The following KAZN variants were observed in gnomAD, a reference collection of about 807,000 sequenced individuals.
KAZN encodes kazrin, periplakin interacting protein, also known as kazrin.
A neutral mutation model predicts 87.4 loss-of-function variants in KAZN; 40 were observed. The ratio of observed to expected loss-of-function variants is 0.46; its 90% CI spans 0.36 to 0.60. KAZN has a LOEUF of 0.60. Among genes scored for constraint, KAZN ranks in the 20% least tolerant of loss-of-function variants. KAZN has a pLI of 0.00. For missense variants in KAZN, 898 were observed against 1,073.9 expected (o/e 0.84, Z 2.29); for synonymous variants, 466 against 458.3 (o/e 1.02, Z -0.22).
intron 1 of KAZN, among the ~76,000 whole-genome samples, chr1:14,000,179 C>G (rs972886081): frequency 6.6e-6 from 1 of 152,186 alleles, no homozygotes; most frequent in African/African-American, 2.4e-5. Context: ...AAAGCAGAGA[C>G]TCCTCCTGAA....
At chr1:14,618,630 G>T (rs887605128) in intron 1 of KAZN, among the ~76,000 whole-genome samples, 5 of 152,184 alleles carry the variant, frequency 3.3e-5, no homozygotes, top group African/African-American at 7.2e-5. Flanking sequence ...GGCAACTGAG[G>T]CATAAAGTGA....
At chr1:14,156,087 C>T (rs1570894259) in intron 1 of KAZN, among the ~76,000 whole-genome samples, 1 of 152,258 alleles carries the variant, frequency 6.6e-6, no homozygotes, top group East Asian at 1.9e-4. Flanking sequence ...TTAATTTCTT[C>T]ATTGACACAT....
chr1:14,361,636 T>A (rs574769050), intron 2 of KAZN, among the ~76,000 whole-genome samples: 83 of 152,326 alleles, frequency 5.4e-4, no homozygotes, highest in African/African-American at 2.0e-3. Flanking sequence ...AAGCATAATA[T>A]CTGGGCCAGA....
At chr1:14,919,330 C>A (rs1658241246) in intron 1 of KAZN, among the ~76,000 whole-genome samples, 1 of 152,350 alleles carries the variant, frequency 6.6e-6, no homozygotes, top group East Asian at 1.9e-4. Context: ...GCGCGTTCCA[C>A]CACACCTGGC....
intron 1 of KAZN, among the ~76,000 whole-genome samples, chr1:14,684,220 G>A (rs1640832156): frequency 6.6e-6 from 1 of 152,138 alleles, no homozygotes; most frequent in South Asian, 2.1e-4. Flanking sequence ...ACCAATCTCA[G>A]GGCAGTGGCT....
At chr1:14,826,506 G>A (rs1456428974) in intron 1 of KAZN, among the ~76,000 whole-genome samples, 1 of 152,156 alleles carries the variant, frequency 6.6e-6, no homozygotes, top group Non-Finnish European at 1.5e-5. Context: ...TCTACAGAGC[G>A]GCCTTGCTGC....
At chr1:14,154,202 C>A (rs1645538826) in intron 1 of KAZN, among the ~76,000 whole-genome samples, 1 of 151,984 alleles carries the variant, frequency 6.6e-6, no homozygotes, top group Non-Finnish European at 1.5e-5. Flanking sequence ...AGTTTTCTTT[C>A]CAGAGATATT....
intron 1 of KAZN, among the ~76,000 whole-genome samples, chr1:14,607,115 TG>T (rs760915942): frequency 1.3e-5 from 2 of 152,156 alleles, no homozygotes; most frequent in Non-Finnish European, 2.9e-5. Context: ...TACTAAATGA[TG>T]GGGTGTGTGG....
intron 1 of KAZN, among the ~76,000 whole-genome samples, chr1:14,682,445 G>C (rs1640725105): frequency 6.6e-6 from 1 of 151,888 alleles, no homozygotes; most frequent in Non-Finnish European, 1.5e-5. Context: ...ATACCACCAT[G>C]CCTGGCTAAT....
At chr1:15,093,610 T>C (rs915939881) in intron 8 of KAZN, among the ~76,000 whole-genome samples, 17 of 152,172 alleles carry the variant, frequency 1.1e-4, no homozygotes, top group South Asian at 2.1e-4. Flanking sequence ...TCGACATTTT[T>C]ACATAAGATA....
At chr1:14,174,493 A>G (rs1193394886) in intron 1 of KAZN, among the ~76,000 whole-genome samples, 1 of 152,194 alleles carries the variant, frequency 6.6e-6, no homozygotes, top group Non-Finnish European at 1.5e-5. Flanking sequence ...TGCGGATTAT[A>G]CAAGGCAGGC....
At chr1:14,044,290 A>G (rs1159474616) in intron 1 of KAZN, among the ~76,000 whole-genome samples, 1 of 152,168 alleles carries the variant, frequency 6.6e-6, no homozygotes, top group Admixed American at 6.5e-5. Flanking sequence ...ATTTTCTAAA[A>G]AAAGAAAAAG....
intron 2 of KAZN, among the ~76,000 whole-genome samples, chr1:14,253,124 A>G (rs1195641944): frequency 1.5e-5 from 1 of 65,202 alleles, no homozygotes; most frequent in African/African-American, 6.4e-5. Context: ...AAAAAGAGAA[A>G]AAAAAAAAAA....
intron 1 of KAZN, among the ~76,000 whole-genome samples, chr1:14,674,984 T>C (rs12121829): frequency 0.52 from 79,182 of 151,644 alleles, 20,710 homozygotes; most frequent in South Asian, 0.62. Flanking sequence ...AACAAAATCT[T>C]ACTGTGTTGC....
chr1:14,822,701 G>A (rs1646769782), intron 1 of KAZN, among the ~76,000 whole-genome samples: 1 of 152,188 alleles, frequency 6.6e-6, no homozygotes, highest in Non-Finnish European at 1.5e-5. Flanking sequence ...TGCCCCAGTG[G>A]CCTTCTCTGG....
chr1:14,241,581 ACTG>A (rs1284617489), intron 2 of KAZN, among the ~76,000 whole-genome samples: 1 of 152,208 alleles, frequency 6.6e-6, no homozygotes, highest in African/African-American at 2.4e-5. Flanking sequence ...TGGCACACCT[ACTG>A]TGAGCCAGCC....
intron 1 of KAZN, among the ~76,000 whole-genome samples, chr1:14,729,686 A>C (rs1364380087): frequency 1.3e-5 from 2 of 152,290 alleles, no homozygotes; most frequent in African/African-American, 4.8e-5. Flanking sequence ...TGTAGCAGTC[A>C]CTGGCTCGAA....
At chr1:15,008,084 G>T (rs1282388306) in intron 2 of KAZN, among the ~76,000 whole-genome samples, 2 of 152,186 alleles carry the variant, frequency 1.3e-5, no homozygotes, top group Non-Finnish European at 2.9e-5. Context: ...TGAGGCTCCT[G>T]GAGGCCTTGT....
chr1:14,246,604 A>G (rs1037151913), intron 2 of KAZN, among the ~76,000 whole-genome samples: 4 of 152,178 alleles, frequency 2.6e-5, no homozygotes, highest in African/African-American at 9.7e-5. Context: ...CAGCTCAAAG[A>G]ATGGAACATT....
Sources: allele counts gnomAD v4.1 joint callset (sites outside exome capture counted in the v4.1 genomes callset), GRCh38; gene constraint gnomAD v4.1.1; transcripts MANE v1.5; gene names NCBI Gene and HGNC (gene_info 2026-07-23, HGNC 2026-07-21).